AOC1: variants seen among roughly 807,000 people sequenced by gnomAD.
AOC1 encodes the protein diamine oxidase [copper-containing].
A neutral mutation model predicts 57.1 loss-of-function variants in AOC1; 58 were observed. The observed-to-expected ratio is 1.02, with a 90% confidence interval of 0.82 to 1.26. The LOEUF is 1.26. Among genes scored for constraint, AOC1 ranks in the 50% most tolerant of loss-of-function variants. The pLI is 0.00. For missense variants in AOC1, 917 were observed against 1,005.3 expected (o/e 0.91, Z 1.19); for synonymous variants, 401 against 423.4 (o/e 0.95, Z 0.65).
chr7:150,856,566 G>T lies in AOC1; in HGVS notation c.96G>T (p.Val32=), dbSNP rs763123230. The change falls in exon 2 of 5, where the codon GTG becomes GTT. Residue 32 remains valine, a synonymous_variant. Transcript: ENST00000360937. The surrounding 1 kb of genome is among the most constrained non-coding windows in gnomAD (Gnocchi z 5.2). ...SPGTLPRKAG[V]FSDLSNQELK... ...GGACTCTGCCCAGGAAGGCAGGGGTGTTTTCAGACCTAAGCAACCAAGAGC... is the reference window on the plus strand; with the variant it reads ...GGACTCTGCCCAGGAAGGCAGGGGTTTTTTCAGACCTAAGCAACCAAGAGC... 6.2e-7 allele frequency: 1 copy of T among 1,614,128 alleles called. No individual in the cohort carries two copies. Among genetic ancestry groups the T allele is most frequent in the South Asian group, 1.1e-5 (1 of 91,076 alleles).
rs1281696212 is a variant in AOC1, at chr7:150,860,503, A to ACC, written c.1863_1864dup (p.Leu622ProfsTer4). 2.5e-6 allele frequency: 4 copies of ACC among 1,613,812 alleles called. No homozygotes were observed. The African/African-American group carries it at 5.3e-5, about 22-fold the overall frequency. On this transcript the variant is annotated frameshift_variant, in exon 4 of 5. Transcript: ENST00000360937. LOFTEE classifies it high-confidence loss of function. ...GCTGCTTCGCCTGTGCCTGGCAGGT[A>ACC]CCCCCTGGCAGTGACCAAGTACCGG...
rs1447490337 is a variant in AOC1, at chr7:150,860,701, C to T, written c.1989+68C>T. ...CCTTCCAGCTCAGCCCAGGACCATC[C>T]TCATCACCATCAGGGAGTCCCAACC... On this transcript the variant is annotated intron_variant, in intron 4 of 4. Coordinates refer to ENST00000360937, the MANE Select transcript of AOC1 (RefSeq NM_001091.4). 27 of 1,557,104 alleles carry T rather than the reference C, an allele frequency of 1.7e-5. No homozygotes were observed. The South Asian group carries it at 2.4e-4, about 14-fold the overall frequency.
intron 1 of AOC1, among the ~76,000 whole-genome samples, chr7:150,854,691 G>A (rs575146777): frequency 2.4e-4 from 36 of 152,180 alleles, no homozygotes; most frequent in Non-Finnish European, 5.0e-4. Flanking sequence ...CTTGTGCTTC[G>A]GAAATGTGAT....
At chr7:150,858,127 G>T in intron 2 of AOC1, 87 bp downstream of exon 2, 1 of 1,459,728 alleles carries the variant, frequency 6.9e-7, no homozygotes, top group Non-Finnish European at 9.1e-7. Flanking sequence ...ATAACTCCCT[G>T]GTGGTGGAAA....
rs141269275 is a variant in AOC1 at position 150,857,922 on chromosome 7, C to A, written c.1452C>A (p.Tyr484Ter). 1 of 1,612,610 alleles carries A rather than the reference C, an allele frequency of 6.2e-7. No homozygotes were observed. The highest frequency in any genetic ancestry group is 8.5e-7 in the Non-Finnish European group (1 of 1,179,638). ...VMEAKMHATG[Y>*]VHATFYTPEG... ...AGGCCAAGATGCATGCCACTGGCTA[C>A]GTCCACGCCACCTTCTACACCCCCG... The change falls in exon 2 of 5, where the codon TAC (tyrosine) becomes TAA (stop). Residue 484 changes from tyrosine to a stop codon, truncating the protein, a stop_gained. Coordinates refer to ENST00000360937, the MANE Select transcript of AOC1 (RefSeq NM_001091.4). LOFTEE classifies it high-confidence loss of function. This position sits in a 1 kb window ranked among gnomAD's most constrained non-coding sequence, Gnocchi z 6.6.
intron 4 of AOC1, 59 bp from the exon 5 acceptor site, chr7:150,860,884 G>A: frequency 6.4e-7 from 1 of 1,552,896 alleles, no homozygotes; most frequent in Non-Finnish European, 8.7e-7. Flanking sequence ...AAAGGCTAGA[G>A]TGGCCTCCAG....
At position 150,861,299 on chromosome 7, in the gene AOC1, G is replaced by A. The variant is rs926440161; in HGVS notation, c.*90G>A. On this transcript the variant is annotated 3_prime_UTR_variant, in exon 5 of 5. Coordinates refer to ENST00000360937, the MANE Select transcript of AOC1 (RefSeq NM_001091.4). The surrounding 1 kb of genome is among the most constrained non-coding windows in gnomAD (Gnocchi z 4.5). ...AAACCCTCAGAGCCTCGCTCTGTGTGCTGCTTCTTGCGGGGAGGCACAGGG... is the reference window on the plus strand; with the variant it reads ...AAACCCTCAGAGCCTCGCTCTGTGTACTGCTTCTTGCGGGGAGGCACAGGG... 7.1e-6 allele frequency: 10 copies of A among 1,411,260 alleles called. No homozygotes were observed. The highest frequency in any genetic ancestry group is 9.4e-6 in the Non-Finnish European group (10 of 1,058,666). 87.4% of individuals were successfully genotyped at this position (1,411,260 alleles called of 1,614,324 possible).
In AOC1 at chr7:150,857,600, G is replaced by A; in HGVS notation, c.1130G>A (p.Gly377Asp). 2 of 1,614,004 alleles carry A rather than the reference G, an allele frequency of 1.2e-6. No homozygotes were observed. Among genetic ancestry groups the A allele is most frequent in the South Asian group, 1.1e-5 (1 of 91,084 alleles). ...ACCAAGTACCTCGATGTCGGCTGGG[G>A]CCTGGGCAGCGTCACTCATGAGTTA... ...MQTKYLDVGW[G>D]LGSVTHELAP... is the part of the protein sequence containing the mutation. Residue 377 changes from glycine (G) to aspartate (D), a missense_variant, in exon 2 of 5, where the codon GGC becomes GAC. By Grantham distance (94) the Gly-to-Asp change is moderately conservative (BLOSUM62 -1). Transcript: ENST00000360937. This position sits in a 1 kb window ranked among gnomAD's most constrained non-coding sequence, Gnocchi z 6.6.
chr7:150,857,849 A>G lies in AOC1; in HGVS notation c.1379A>G (p.Asn460Ser), dbSNP rs200630234. The G allele has an allele frequency of 2.3e-4, 365 of 1,613,968 alleles. 2 individuals are homozygous for G. The highest frequency in any genetic ancestry group is 1.8e-3 in the Middle Eastern group (11 of 6,062). Reference sequence around the variant, plus strand: ...CTGCGGACAACTTCAACTGTCTACAATTATGATTACATTTGGGACTTTATC... The same window carrying G: ...CTGCGGACAACTTCAACTGTCTACAGTTATGATTACATTTGGGACTTTATC... ...LVLRTTSTVY[N>S]YDYIWDFIFY... Residue 460 changes from asparagine to serine, a missense_variant, in exon 2 of 5, where the codon AAT becomes AGT. By Grantham distance (46) the Asn-to-Ser change is conservative (BLOSUM62 1). Coordinates refer to ENST00000360937, the MANE Select transcript of AOC1 (RefSeq NM_001091.4). The surrounding 1 kb of genome is among the most constrained non-coding windows in gnomAD (Gnocchi z 6.6).
Position 150,861,270 on chromosome 7 carries a change from C to CA in AOC1, c.*63dup, listed in dbSNP as rs1799961928. 7 of 1,497,214 alleles carry CA rather than the reference C, an allele frequency of 4.7e-6. No homozygotes were observed. In the East Asian group the frequency reaches 1.6e-4, roughly 35 times the overall value. 92.7% of individuals were successfully genotyped at this position (1,497,214 alleles called of 1,614,324 possible). ...AGCCCAGGAGCCTCACTGGGGCAGA[C>CA]AATAAACCCTCAGAGCCTCGCTCTG... On this transcript the variant is annotated 3_prime_UTR_variant, in exon 5 of 5. Transcript: ENST00000360937. The surrounding 1 kb of genome is among the most constrained non-coding windows in gnomAD (Gnocchi z 4.5).
chr7:150,856,593 G>A lies in AOC1; in HGVS notation c.123G>A (p.Leu41=), dbSNP rs1168967334. Residue 41 remains leucine (L), a synonymous_variant, in exon 2 of 5, where the codon CTG becomes CTA. Transcript: ENST00000360937. This position sits in a 1 kb window ranked among gnomAD's most constrained non-coding sequence, Gnocchi z 5.2. ...TTTCAGACCTAAGCAACCAAGAGCT[G>A]AAGGCAGTGCACAGCTTCCTCTGGT... ...GVFSDLSNQE[L]KAVHSFLWSK... 3.7e-6 allele frequency: 6 copies of A among 1,614,150 alleles called. No homozygotes were observed. The highest frequency in any genetic ancestry group is 5.1e-6 in the Non-Finnish European group (6 of 1,179,980).
chr7:150,860,571 C>G lies in AOC1; in HGVS notation c.1927C>G (p.Pro643Ala). The part of the protein sequence containing the change: ...CSSSIYHQND[P>A]WHPPVVFEQF... ...CAGCAGCATCTACCACCAGAACGAC[C>G]CCTGGCACCCGCCCGTGGTCTTTGA... Residue 643 changes from proline (P) to alanine (A), a missense_variant, in exon 4 of 5, where the codon CCC (proline) becomes GCC (alanine). By Grantham distance (27) the Pro-to-Ala change is conservative. Coordinates refer to ENST00000360937, the MANE Select transcript of AOC1 (RefSeq NM_001091.4). 6.2e-7 allele frequency: 1 copy of G among 1,614,020 alleles called. No individual in the cohort carries two copies. The highest frequency in any genetic ancestry group is 2.2e-5 in the East Asian group (1 of 44,862).
chr7:150,856,387 C>T lies in AOC1; in HGVS notation c.-16-68C>T, dbSNP rs10156189. ...CTCAGTCCATGGGAAAATTCCATGGCCCTAACCTGAGGGAAGCCCATCTCT... is the reference window on the plus strand; with the variant it reads ...CTCAGTCCATGGGAAAATTCCATGGTCCTAACCTGAGGGAAGCCCATCTCT... On this transcript the variant is annotated intron_variant, in intron 1 of 4. Coordinates refer to ENST00000360937, the MANE Select transcript of AOC1 (RefSeq NM_001091.4). The surrounding 1 kb of genome is among the most constrained non-coding windows in gnomAD (Gnocchi z 5.2). 8.2e-3 allele frequency: 12,395 copies of T among 1,506,078 alleles called. 743 individuals are homozygous for T. In the African/African-American group the frequency reaches 0.14, roughly 17 times the overall value. 93.3% of individuals were successfully genotyped at this position (1,506,078 alleles called of 1,614,324 possible).
Position 150,852,888 on chromosome 7 carries a change from G to A in AOC1, c.-17+330G>A, listed in dbSNP as rs866074350. On this transcript the variant is annotated intron_variant, in intron 1 of 4. Transcript: ENST00000360937. This position sits in a 1 kb window ranked among gnomAD's most constrained non-coding sequence, Gnocchi z 4.6. ...GAGGTTTGTCCTGGGGAAAGCAAAG[G>A]TCTCTTCCACATCTTTCTCCTTCCT... Among the ~76,000 whole-genome samples, 9 of 152,268 alleles carry A rather than the reference G, an allele frequency of 5.9e-5. No individual in the cohort carries two copies. The South Asian group carries it at 1.0e-3, about 18-fold the overall frequency.
In AOC1 at chr7:150,856,456, G is replaced by C; in HGVS notation, c.-15G>C. Reference sequence around the variant, plus strand: ...TTCATCTCCTCTATTGCATTCCAGAGCCGTGGAGCGAGAGATGCCGGCCCT... The same window carrying C: ...TTCATCTCCTCTATTGCATTCCAGACCCGTGGAGCGAGAGATGCCGGCCCT... On this transcript the variant is annotated splice_region_variant and 5_prime_UTR_variant, in exon 2 of 5. Coordinates refer to ENST00000360937, the MANE Select transcript of AOC1 (RefSeq NM_001091.4). The surrounding 1 kb of genome is among the most constrained non-coding windows in gnomAD (Gnocchi z 5.2). 1 of 1,606,472 alleles carries C rather than the reference G, an allele frequency of 6.2e-7. No homozygotes were observed. The highest frequency in any genetic ancestry group is 8.5e-7 in the Non-Finnish European group (1 of 1,177,070).
intron 3 of AOC1, 106 bp downstream of exon 3, chr7:150,859,154 A>G: frequency 8.0e-7 from 1 of 1,245,172 alleles, no homozygotes; most frequent in Non-Finnish European, 1.1e-6. Flanking sequence ...CTATGTGGAT[A>G]TACACATATA....
Position 150,861,255 on chromosome 7 carries a change from C to G in AOC1, c.*46C>G. On this transcript the variant is annotated 3_prime_UTR_variant, in exon 5 of 5. Coordinates refer to ENST00000360937, the MANE Select transcript of AOC1 (RefSeq NM_001091.4). The surrounding 1 kb of genome is among the most constrained non-coding windows in gnomAD (Gnocchi z 4.5). ...CAGTTCCTCCCAGGAAGCCCAGGAG[C>G]CTCACTGGGGCAGACAATAAACCCT... 2 of 1,523,656 alleles carry G rather than the reference C, an allele frequency of 1.3e-6. No individual in the cohort carries two copies. The highest frequency in any genetic ancestry group is 1.8e-4 in the Middle Eastern group (1 of 5,664). The allele number at this position is 1,523,656 out of a possible 1,614,324, so 94.4% of individuals were successfully genotyped here. A position where few individuals can be genotyped will look rare whatever the true frequency, so the allele number is the denominator to read the frequency against.
In AOC1 at chr7:150,856,385, G is replaced by A; in HGVS notation, c.-16-70G>A. The A allele has an allele frequency of 1.3e-6, 2 of 1,489,636 alleles. No homozygotes were observed. 92.3% of individuals were successfully genotyped at this position (1,489,636 alleles called of 1,614,324 possible). A position where few individuals can be genotyped will look rare whatever the true frequency, so the allele number is the denominator to read the frequency against. ...AGCTCAGTCCATGGGAAAATTCCAT[G>A]GCCCTAACCTGAGGGAAGCCCATCT... On this transcript the variant is annotated intron_variant, in intron 1 of 4. Transcript: ENST00000360937. This position sits in a 1 kb window ranked among gnomAD's most constrained non-coding sequence, Gnocchi z 5.2.
intron 2 of AOC1, among the ~76,000 whole-genome samples, chr7:150,858,543 G>C (rs567685411): frequency 6.6e-6 from 1 of 152,256 alleles, no homozygotes; most frequent in African/African-American, 2.4e-5. Context: ...CCTGCTCTAG[G>C]ATTGCAGCCA....
Sources: gnomAD v4.1 joint callset for allele counts (sites outside exome capture counted in the v4.1 genomes callset) on GRCh38, gnomAD v4.1.1 for gene constraint, Gnocchi (gnomAD v3.1) non-coding constraint, MANE v1.5 for transcripts, NCBI Gene and HGNC (gene_info 2026-07-23, HGNC 2026-07-21) for gene names.